LPA: variants seen among roughly 807,000 people sequenced by gnomAD.
LPA encodes the protein apolipoprotein(a).
In LPA, 199 loss-of-function variants were observed where a neutral mutation model predicts 197.9. The observed-to-expected ratio is 1.01, with a 90% confidence interval of 0.90 to 1.13. LPA has a LOEUF of 1.13. Ranked by LOEUF, LPA falls within the 50% of genes most tolerant of loss-of-function variation. LPA has a pLI of 0.00. For synonymous variants in LPA, 715 were observed against 639.5 expected (o/e 1.12, Z -1.78); for missense variants, 1,853 against 1,785.8 (o/e 1.04, Z -0.68).
In LPA at chr6:160,584,861, G is replaced by T. The variant is rs1778876904; in HGVS notation, c.4289+185C>A. On this transcript the variant is annotated intron_variant, in intron 26 of 38. Coordinates refer to ENST00000316300, the MANE Select transcript of LPA (RefSeq NM_005577.4). ...CTGCTTCCATCAAATTGTTATGAAA[G>T]ATAGCAATCCTAAAACTTCTCTTCA... 3.9e-5 allele frequency among the ~76,000 whole-genome samples: 6 copies of T among 152,064 alleles called. No homozygotes were observed. In the South Asian group the frequency reaches 1.2e-3, roughly 32 times the overall value.
chr6:160,606,057 CA>C (rs1779342883), intron 17 of LPA, among the ~76,000 whole-genome samples: 2 of 152,178 alleles, frequency 1.3e-5, no homozygotes, highest in African/African-American at 4.8e-5. Context: ...TCAAGGGTGA[CA>C]GGCTCCAGAG....
chr6:160,597,752 A>G (rs1338954531), intron 20 of LPA, among the ~76,000 whole-genome samples: 1 of 152,200 alleles, frequency 6.6e-6, no homozygotes, highest in East Asian at 1.9e-4. Context: ...CATGCCATTT[A>G]AATCATTTCT....
chr6:160,551,570 G>A (rs1348121126), intron 30 of LPA, among the ~76,000 whole-genome samples: 1 of 152,144 alleles, frequency 6.6e-6, no homozygotes, highest in Non-Finnish European at 1.5e-5. Context: ...ATTTTATAGT[G>A]AGTGTTTACA....
At chr6:160,571,552 T>G (rs1778561792) in intron 28 of LPA, among the ~76,000 whole-genome samples, 1 of 152,198 alleles carries the variant, frequency 6.6e-6, no homozygotes, top group Non-Finnish European at 1.5e-5. Flanking sequence ...GCTGCTGCCT[T>G]TCTTTCAGAG....
intron 29 of LPA, 83 bp from the exon 30 acceptor site, chr6:160,556,267 T>C: frequency 7.4e-7 from 1 of 1,346,322 alleles, no homozygotes; most frequent in Non-Finnish European, 1.1e-6. Context: ...AGGACAGTAG[T>C]TTCAGAATTA....
At chr6:160,652,187 C>G (rs934875225) in intron 1 of LPA, among the ~76,000 whole-genome samples, 1 of 147,612 alleles carries the variant, frequency 6.8e-6, no homozygotes, top group Non-Finnish European at 1.5e-5. Flanking sequence ...TAAAAATCAA[C>G]AATCTGCAAA....
At chr6:160,650,605 C>T in intron 1 of LPA, 108 bp from the exon 2 acceptor site, 1 of 1,092,560 alleles carries the variant, frequency 9.2e-7, no homozygotes, top group Admixed American at 1.7e-5. Context: ...TACGACCATT[C>T]TCTTCTCTTG....
Position 160,601,024 on chromosome 6 carries a change from A to T in LPA, c.3020T>A (p.Val1007Asp). The T allele has an allele frequency of 1.2e-6, 2 of 1,614,078 alleles. No homozygotes were observed. The highest frequency in any genetic ancestry group is 2.2e-5 in the South Asian group (2 of 91,082). ...TGTCAGGTTGCAGTACTCCCACCTG[A>T]CACTGGGATCTGTTGTATAACACCA... ...APWCYTTDPS[V>D]RWEYCNLTRC... Residue 1007 changes from valine (V) to aspartate (D), a missense_variant, in exon 19 of 39, where the codon GTC becomes GAC. Physicochemically the swap from Val to Asp is radical, Grantham distance 152. Coordinates refer to ENST00000316300, the MANE Select transcript of LPA (RefSeq NM_005577.4).
rs1345722878 is a variant in LPA at position 160,650,504 on chromosome 6, T to C, written c.50-7A>G. The C allele has an allele frequency of 1.2e-6, 2 of 1,613,110 alleles. No homozygotes were observed. The highest frequency in any genetic ancestry group is 2.2e-5 in the South Asian group (2 of 91,068). ...TGGCTTTGCTCAGGTGCTGCTAAAA[T>C]TAAAACAGAAGAAATCAAGCTGAAT... is the stretch of plus-strand genomic sequence containing the variant. On this transcript the variant is annotated splice_region_variant and splice_polypyrimidine_tract_variant and intron_variant, in intron 1 of 38. Coordinates refer to ENST00000316300, the MANE Select transcript of LPA (RefSeq NM_005577.4).
At chr6:160,577,725 A>G (rs1309504154) in intron 27 of LPA, among the ~76,000 whole-genome samples, 1 of 152,198 alleles carries the variant, frequency 6.6e-6, no homozygotes, top group Non-Finnish European at 1.5e-5. Context: ...CAAAAGGCTT[A>G]ATCTTTTGAA....
At chr6:160,606,423 TG>T (rs1473012467) in intron 17 of LPA, 53 bp downstream of exon 17, 1 of 1,598,664 alleles carries the variant, frequency 6.3e-7, no homozygotes, top group Non-Finnish European at 8.6e-7. Flanking sequence ...GGAATTTCCA[TG>T]GCTTTTCATC....
At chr6:160,654,019 T>A (rs1780069896) in intron 1 of LPA, among the ~76,000 whole-genome samples, 1 of 8,968 alleles carries the variant, frequency 1.1e-4, no homozygotes, top group Non-Finnish European at 1.9e-4. Context: ...ATATTATATA[T>A]AATATATAAT....
chr6:160,599,722 A>C lies in LPA; in HGVS notation c.3128-63T>G, dbSNP rs1005681419. 3 of 1,585,604 alleles carry C rather than the reference A, an allele frequency of 1.9e-6. No individual in the cohort carries two copies. In the African/African-American group the frequency reaches 4.0e-5, roughly 21 times the overall value. On this transcript the variant is annotated intron_variant, in intron 19 of 38. Transcript: ENST00000316300. ...CTAGAACAGAAAAATACAGGAAGCCATTTATGACATAAACCAAAAAAGAGT... is the reference window on the plus strand; with the variant it reads ...CTAGAACAGAAAAATACAGGAAGCCCTTTATGACATAAACCAAAAAAGAGT...
intron 26 of LPA, among the ~76,000 whole-genome samples, chr6:160,581,171 GA>G (rs1178317587): frequency 3.3e-5 from 5 of 151,854 alleles, no homozygotes; most frequent in Admixed American, 3.3e-4. Context: ...ACCAATTTTG[GA>G]AAAAAATTTC....
intron 28 of LPA, among the ~76,000 whole-genome samples, chr6:160,560,633 G>T (rs1778344693): frequency 6.6e-6 from 1 of 151,792 alleles, no homozygotes; most frequent in Admixed American, 6.6e-5. Context: ...TTTTGATGGG[G>T]TTGTTTTTTT....
At chr6:160,592,916 A>C (rs1021531819) in intron 22 of LPA, among the ~76,000 whole-genome samples, 1 of 152,200 alleles carries the variant, frequency 6.6e-6, no homozygotes, top group Admixed American at 6.5e-5. Context: ...TGTGAGCTCT[A>C]GCATCTCCAT....
Position 160,606,579 on chromosome 6 carries a change from A to T in LPA, c.2683T>A (p.Trp895Arg), listed in dbSNP as rs1356233544. The part of the protein sequence containing the change: ...YCYTRDPSVR[W>R]EYCNLTQCSD... ...CATTGTGTCAGGTTGCAGTACTCCC[A>T]CCTGACACTGGGATCCCTCGTATAA... The change falls in exon 17 of 39, where the codon TGG (tryptophan) becomes AGG (arginine). Residue 895 changes from tryptophan (W) to arginine (R), a missense_variant. Trp to Arg is a moderately radical substitution (Grantham distance 101). Transcript: ENST00000316300. 1.9e-6 allele frequency: 3 copies of T among 1,613,872 alleles called. No homozygotes were observed. Among genetic ancestry groups the T allele is most frequent in the East Asian group, 4.5e-5 (2 of 44,856 alleles).
At chr6:160,551,366 T>C (rs1382482355) in intron 30 of LPA, among the ~76,000 whole-genome samples, 1 of 152,240 alleles carries the variant, frequency 6.6e-6, no homozygotes, top group Non-Finnish European at 1.5e-5. Flanking sequence ...GCCTATTCAA[T>C]CTGTTGCCCA....
At position 160,590,923 on chromosome 6, in the gene LPA, G is replaced by A. The variant is rs757763606; in HGVS notation, c.3787+21C>T. ...TATCCCAACGTCCAAGGGTGTGGTT[G>A]TCTGGCCAGAGACTTCTTACCTTGT... On this transcript the variant is annotated intron_variant, in intron 23 of 38. Transcript: ENST00000316300. 4 of 1,613,736 alleles carry A rather than the reference G, an allele frequency of 2.5e-6. No individual in the cohort carries two copies. The East Asian group carries it at 8.9e-5, about 36-fold the overall frequency.
Sources: allele counts gnomAD v4.1 joint callset (sites outside exome capture counted in the v4.1 genomes callset), GRCh38; gene constraint gnomAD v4.1.1; transcripts MANE v1.5; gene names NCBI Gene and HGNC (gene_info 2026-07-23, HGNC 2026-07-21).